The following PAPLN variants were observed in gnomAD, a reference collection of about 807,000 sequenced individuals.
PAPLN encodes papilin.
A neutral mutation model predicts 159.0 loss-of-function variants in PAPLN; 146 were observed. The observed-to-expected ratio is 0.92, with a 90% CI of 0.80 to 1.05. The LOEUF is 1.05. PAPLN is among the 50% of genes least tolerant of loss of function. PAPLN has a pLI of 0.00. For missense variants in PAPLN, 1,720 were observed against 1,743.9 expected (o/e 0.99, Z 0.24); for synonymous variants, 734 against 702.9 (o/e 1.04, Z -0.70).
upstream of PAPLN, among the ~76,000 whole-genome samples, chr14:73,236,927 AAAG>A (rs1304005395): frequency 1.4e-5 from 2 of 146,082 alleles, no homozygotes; most frequent in African/African-American, 2.6e-5. Context: ...GGAGGGAAAG[AAAG>A]AAGAAAGTGA....
chr14:73,243,782 C>T (rs1441566068), intron 2 of PAPLN: 1 of 152,126 alleles, frequency 6.6e-6, no homozygotes, highest in Non-Finnish European at 1.5e-5. Context: ...TTCAATAAGA[C>T]AGACATGATT....
At chr14:73,249,838 TG>T in intron 5 of PAPLN, 145 bp from the exon 6 acceptor site, 2 of 837,620 alleles carry the variant, frequency 2.4e-6, no homozygotes, top group Non-Finnish European at 3.3e-6. Context: ...TCCCTTCTCC[TG>T]GGGATGGGGC....
chr14:73,255,194 G>T (rs1199579512), intron 14 of PAPLN, among the ~76,000 whole-genome samples, 176 bp downstream of exon 14: 1 of 152,164 alleles, frequency 6.6e-6, no homozygotes, highest in Non-Finnish European at 1.5e-5. Context: ...CCCACCTGGT[G>T]TGCAGCCCAC....
upstream of PAPLN, among the ~76,000 whole-genome samples, chr14:73,236,297 A>T (rs760569912): frequency 2.6e-5 from 4 of 152,216 alleles, no homozygotes; most frequent in Admixed American, 2.0e-4. Flanking sequence ...GTGGGGCTGC[A>T]TTGCAGGCCC....
intron 11 of PAPLN, chr14:73,253,207 C>T: frequency 7.4e-7 from 1 of 1,359,924 alleles, no homozygotes; most frequent in Non-Finnish European, 9.7e-7. Flanking sequence ...TGCTGGGGCC[C>T]AGCGAGTGTG....
At position 73,251,708 on chromosome 14, in the gene PAPLN, AC is replaced by A. The variant is rs1566682825; in HGVS notation, c.717del (p.Ile240SerfsTer232). 1 of 1,613,288 alleles carries A rather than the reference AC, an allele frequency of 6.2e-7. No individual in the cohort carries two copies. Among genetic ancestry groups the A allele is most frequent in the Admixed American group, 1.7e-5 (1 of 60,008 alleles). On this transcript the variant is annotated frameshift_variant, in exon 9 of 27. Transcript: ENST00000644200. LOFTEE classifies it high-confidence loss of function. ...RGEYYLNGHW[T>X]IEAARALPAA... ...GGAATACTACCTCAATGGGCACTGG[AC>A]CATCGAGGCGGCCCGGGCCCTGCCA...
intron 20 of PAPLN, 143 bp downstream of exon 20, chr14:73,263,925 C>T (rs1886887799): frequency 1.7e-6 from 2 of 1,190,444 alleles, no homozygotes; most frequent in South Asian, 2.7e-5. Flanking sequence ...TGACAGCCCC[C>T]CTACCCCCTC....
At chr14:73,261,359 C>CATG in intron 18 of PAPLN, 65 bp downstream of exon 18, 1 of 1,566,544 alleles carries the variant, frequency 6.4e-7, no homozygotes, top group African/African-American at 1.4e-5. Flanking sequence ...GCCTCCAGCC[C>CATG]CCACCCAGGA....
In PAPLN at chr14:73,245,022, G is replaced by A. The variant is rs902351765; in HGVS notation, c.170+263G>A. ...CTGATGCTGCACCGGCCTGCAGTAT[G>A]GCAGGTGCAGTCAATTTTGCTGGAA... On this transcript the variant is annotated intron_variant, in intron 3 of 26. Coordinates refer to ENST00000644200, the MANE Select transcript of PAPLN (RefSeq NM_001365906.3). This position sits in a 1 kb window ranked among gnomAD's most constrained non-coding sequence, Gnocchi z 4.2. 1 of 351,376 alleles carries A rather than the reference G, an allele frequency of 2.8e-6. No individual in the cohort carries two copies. Among genetic ancestry groups the A allele is most frequent in the African/African-American group, 2.1e-5 (1 of 46,880 alleles). 21.8% of individuals were successfully genotyped at this position (351,376 alleles called of 1,614,324 possible).
At chr14:73,261,665 A>G (rs960597339) in intron 18 of PAPLN, among the ~76,000 whole-genome samples, 3 of 152,190 alleles carry the variant, frequency 2.0e-5, no homozygotes, top group African/African-American at 7.2e-5. Context: ...GTGGAGTAGC[A>G]GGAGCTGAGT....
rs759393784 is a variant in PAPLN, at chr14:73,262,648, G to A, written c.2544G>A (p.Gln848=). 45 of 1,505,766 alleles carry A rather than the reference G, an allele frequency of 3.0e-5. No homozygotes were observed. Among genetic ancestry groups the A allele is most frequent in the Non-Finnish European group, 3.9e-5 (44 of 1,123,590 alleles). 93.3% of individuals were successfully genotyped at this position (1,505,766 alleles called of 1,614,324 possible). ...PSQHRTGAAV[Q]RKPWPSGGLW... is the part of the protein sequence containing the mutation. ...AGCACAGGACAGGGGCCGCGGTGCAGAGAAAGCCCTGGCCTTCTGGTGGTC... is the reference window on the plus strand; with the variant it reads ...AGCACAGGACAGGGGCCGCGGTGCAAAGAAAGCCCTGGCCTTCTGGTGGTC... Residue 848 remains glutamine, a synonymous_variant, in exon 19 of 27, where the codon CAG becomes CAA. Coordinates refer to ENST00000644200, the MANE Select transcript of PAPLN (RefSeq NM_001365906.3).
chr14:73,255,151 C>T, intron 14 of PAPLN, 133 bp downstream of exon 14: 1 of 1,284,376 alleles, frequency 7.8e-7, no homozygotes, highest in Non-Finnish European at 1.1e-6. Flanking sequence ...TCTCCCATGT[C>T]TCCCCCCGCT....
chr14:73,246,440 G>C (rs1884351893), intron 5 of PAPLN, among the ~76,000 whole-genome samples: 1 of 138,650 alleles, frequency 7.2e-6, no homozygotes, highest in Admixed American at 7.8e-5. Context: ...TGGGCGCGGG[G>C]GCTCGCAATG....
intron 14 of PAPLN, among the ~76,000 whole-genome samples, chr14:73,258,114 T>C (rs1447943941): frequency 2.0e-5 from 3 of 152,202 alleles, no homozygotes; most frequent in Non-Finnish European, 2.9e-5. Context: ...TTTTTTTAAA[T>C]ATGGAATTTT....
At chr14:73,267,999 C>G (rs1887386780) in intron 25 of PAPLN, among the ~76,000 whole-genome samples, 1 of 152,026 alleles carries the variant, frequency 6.6e-6, no homozygotes, top group Non-Finnish European at 1.5e-5. Context: ...TTCCAGGACA[C>G]TGTCCTGGCC....
chr14:73,264,814 T>G lies in PAPLN; in HGVS notation c.3125+88T>G, dbSNP rs543767313. The G allele has an allele frequency of 1.4e-4, 218 of 1,577,382 alleles. No homozygotes were observed. In the South Asian group the frequency reaches 2.3e-3, roughly 16 times the overall value. On this transcript the variant is annotated intron_variant, in intron 22 of 26. Transcript: ENST00000644200. Reference sequence around the variant, plus strand: ...TGGATAAGGAGGGGAACGTCTGCTGTGACCAGGCCTTGCCAGCCCCTGCTC... The same window carrying G: ...TGGATAAGGAGGGGAACGTCTGCTGGGACCAGGCCTTGCCAGCCCCTGCTC...
intron 3 of PAPLN, 98 bp downstream of exon 3, chr14:73,244,857 G>A (rs890472394): frequency 2.5e-5 from 23 of 906,380 alleles, no homozygotes; most frequent in Non-Finnish European, 6.6e-6. Flanking sequence ...GCTAGCACTG[G>A]CCACATCAGC....
intron 17 of PAPLN, 39 bp downstream of exon 17, chr14:73,260,868 C>T (rs1356412076): frequency 3.3e-6 from 5 of 1,493,808 alleles, no homozygotes; most frequent in Non-Finnish European, 4.4e-6. Flanking sequence ...AGGGGGCCAG[C>T]CCGTGAGCCT....
Position 73,253,889 on chromosome 14 carries a change from T to C in PAPLN, c.1230T>C (p.Pro410=). 6.2e-7 allele frequency: 1 copy of C among 1,613,262 alleles called. No individual in the cohort carries two copies. Among genetic ancestry groups the C allele is most frequent in the Non-Finnish European group, 8.5e-7 (1 of 1,179,892 alleles). Residue 410 remains proline, a synonymous_variant, in exon 12 of 27, where the codon CCT becomes CCC. Transcript: ENST00000644200. ...AGGAGGCTGAGTGTGCCGGGCTGCC[T>C]GGGAAGCCCCCTGCCATTCAGGCCT... ...AVEEAECAGL[P]GKPPAIQACN...
Sources: gnomAD v4.1 joint callset for allele counts (sites outside exome capture counted in the v4.1 genomes callset) on GRCh38, gnomAD v4.1.1 for gene constraint, Gnocchi (gnomAD v3.1) non-coding constraint, MANE v1.5 for transcripts, NCBI Gene and HGNC (gene_info 2026-07-23, HGNC 2026-07-21) for gene names.